FGGY: variants seen among roughly 807,000 people sequenced by gnomAD.
FGGY encodes FGGY carbohydrate kinase domain-containing protein.
Under a neutral mutation model 71.3 loss-of-function variants are expected in FGGY, and 72 were observed. The ratio of observed to expected loss-of-function variants is 1.01; its 90% CI spans 0.84 to 1.23. The LOEUF (loss-of-function observed/expected upper bound fraction) is 1.23, where lower values mean the gene tolerates loss of function less well. Among genes scored for constraint, FGGY ranks in the 50% most tolerant of loss-of-function variants. The pLI is 0.00. For synonymous variants in FGGY, 251 were observed against 250.3 expected (o/e 1.00, Z -0.02); for missense variants, 668 against 682.3 (o/e 0.98, Z 0.23).
rs190196383 is a variant in FGGY, at chr1:59,464,642, A to G, written c.670+7566A>G. Reference sequence around the variant, plus strand: ...CTGCTAGCAAGACTAATAAAGAAGAAGACAGAGAAGAATCAAATAGATGCA... The same window carrying G: ...CTGCTAGCAAGACTAATAAAGAAGAGGACAGAGAAGAATCAAATAGATGCA... On this transcript the variant is annotated intron_variant, in intron 6 of 15. Transcript: ENST00000303721. Among the ~76,000 whole-genome samples the G allele has an allele frequency of 6.6e-4, 101 of 152,352 alleles. 1 individual carries two copies. Among genetic ancestry groups the G allele is most frequent in the East Asian group, 6.0e-3 (31 of 5,194 alleles).
chr1:59,411,283 T>G (rs968927261), intron 5 of FGGY, among the ~76,000 whole-genome samples: 5 of 152,270 alleles, frequency 3.3e-5, no homozygotes, highest in Admixed American at 6.5e-5. Context: ...TATGTGTTTT[T>G]GGCAGGGAAG....
At position 59,347,750 on chromosome 1, in the gene FGGY, C is replaced by T. The variant is rs540777545; in HGVS notation, c.465+1352C>T. On this transcript the variant is annotated intron_variant, in intron 4 of 15. Transcript: ENST00000303721. The stretch of plus-strand genomic sequence containing the variant: ...AATGGTGCTGGGAAAACTGGCTAGC[C>T]ATATGGAGAAAACTGAAACTGGATC... 2.6e-5 allele frequency among the ~76,000 whole-genome samples: 4 copies of T among 152,210 alleles called. No homozygotes were observed. The East Asian group carries it at 7.7e-4, about 29-fold the overall frequency.
intron 5 of FGGY, among the ~76,000 whole-genome samples, chr1:59,432,189 T>C (rs113270257): frequency 1.3e-5 from 2 of 152,196 alleles, no homozygotes; most frequent in African/African-American, 4.8e-5. Flanking sequence ...GGAGAGGGCA[T>C]GAAAGCTCCC....
chr1:59,720,174 A>G (rs1379934012), intron 14 of FGGY, among the ~76,000 whole-genome samples: 1 of 152,208 alleles, frequency 6.6e-6, no homozygotes, highest in Non-Finnish European at 1.5e-5. Flanking sequence ...GGGACTGAAA[A>G]TAGAGATAGA....
chr1:59,652,237 T>C (rs1239373798), intron 11 of FGGY, among the ~76,000 whole-genome samples: 1 of 147,720 alleles, frequency 6.8e-6, no homozygotes, highest in Non-Finnish European at 1.5e-5. Flanking sequence ...TGTCTTGGAG[T>C]TGCTCTTCTC....
At chr1:59,717,539 G>A (rs10889155) in intron 14 of FGGY, among the ~76,000 whole-genome samples, 65,523 of 151,946 alleles carry the variant, frequency 0.43, 14,771 homozygotes, top group East Asian at 0.68. Flanking sequence ...TGTGATATTC[G>A]ATGGAGAGGC....
At chr1:59,595,657 T>G (rs1235074233) in intron 8 of FGGY, among the ~76,000 whole-genome samples, 1 of 151,950 alleles carries the variant, frequency 6.6e-6, no homozygotes, top group East Asian at 1.9e-4. Flanking sequence ...GCCATTGCAC[T>G]CCAGCCTGGG....
At chr1:59,414,708 G>C (rs1441332908) in intron 5 of FGGY, among the ~76,000 whole-genome samples, 2 of 152,222 alleles carry the variant, frequency 1.3e-5, no homozygotes, top group African/African-American at 4.8e-5. Context: ...AACAAGGAGA[G>C]GGGCTACGAG....
intron 5 of FGGY, among the ~76,000 whole-genome samples, chr1:59,414,864 G>A (rs372434366): frequency 6.6e-6 from 1 of 152,340 alleles, no homozygotes; most frequent in Non-Finnish European, 1.5e-5. Context: ...AGAGGCAGAA[G>A]AGCCCTCTGG....
At chr1:59,313,875 G>C (rs2044856717) in intron 1 of FGGY, among the ~76,000 whole-genome samples, 1 of 151,934 alleles carries the variant, frequency 6.6e-6, no homozygotes, top group Non-Finnish European at 1.5e-5. Flanking sequence ...TTGGGTGATG[G>C]GTATATCCAG....
chr1:59,611,985 A>G (rs2096686948), intron 9 of FGGY, among the ~76,000 whole-genome samples: 1 of 152,218 alleles, frequency 6.6e-6, no homozygotes, highest in Non-Finnish European at 1.5e-5. Context: ...GCCTCCAAGA[A>G]ATATGGGACT....
At chr1:59,504,050 G>T (rs2094312354) in intron 6 of FGGY, among the ~76,000 whole-genome samples, 1 of 152,078 alleles carries the variant, frequency 6.6e-6, no homozygotes, top group Non-Finnish European at 1.5e-5. Flanking sequence ...TATGCTTTTT[G>T]TCCAATCATA....
chr1:59,567,465 TAACTGG>T (rs1249274130), intron 8 of FGGY, among the ~76,000 whole-genome samples: 1 of 152,124 alleles, frequency 6.6e-6, no homozygotes, highest in Non-Finnish European at 1.5e-5. Flanking sequence ...AGGAAATATT[TAACTGG>T]AAGATGCTTT....
chr1:59,667,339 T>A lies in FGGY; in HGVS notation c.1353T>A (p.Thr451=), dbSNP rs922906780. ...AGGCAGCAGGGCACTCAATCAGTAC[T>A]CTTTTCCTATGTGGAGGCCTCAGCA... ...AMEAAGHSIS[T]LFLCGGLSKN... The change falls in exon 13 of 16, where the codon ACT becomes ACA. Residue 451 remains threonine, a synonymous_variant. Transcript: ENST00000303721. The A allele has an allele frequency of 1.5e-5, 25 of 1,614,054 alleles. No homozygotes were observed. Among genetic ancestry groups the A allele is most frequent in the Admixed American group, 8.3e-5 (5 of 60,004 alleles).
intron 5 of FGGY, among the ~76,000 whole-genome samples, chr1:59,404,208 G>T (rs1483485420): frequency 2.0e-5 from 3 of 151,956 alleles, no homozygotes; most frequent in African/African-American, 7.3e-5. Context: ...AGCCTGTCGG[G>T]GGGCGGGGCC....
intron 14 of FGGY, among the ~76,000 whole-genome samples, chr1:59,727,724 G>C (rs2097964956): frequency 6.6e-6 from 1 of 152,122 alleles, no homozygotes; most frequent in South Asian, 2.1e-4. Flanking sequence ...AGCCAGAAAA[G>C]AGCCTGAATA....
chr1:59,732,561 G>T (rs2098046894), intron 14 of FGGY, among the ~76,000 whole-genome samples: 1 of 152,032 alleles, frequency 6.6e-6, no homozygotes, highest in Non-Finnish European at 1.5e-5. Context: ...TCTATGTTGT[G>T]GCAAACTGAG....
In FGGY at chr1:59,528,683, C is replaced by A. The variant is rs566227418; in HGVS notation, c.799+16244C>A. On this transcript the variant is annotated intron_variant, in intron 7 of 15. Coordinates refer to ENST00000303721, the MANE Select transcript of FGGY (RefSeq NM_018291.5). ...AAAGTATATCAGCCTTGTGACTCACCACCATGAAACCCTCAGATGGGAGTC... is the reference window on the plus strand; with the variant it reads ...AAAGTATATCAGCCTTGTGACTCACAACCATGAAACCCTCAGATGGGAGTC... 2.6e-5 allele frequency among the ~76,000 whole-genome samples: 4 copies of A among 152,224 alleles called. No individual in the cohort carries two copies. In the East Asian group the frequency reaches 7.7e-4, roughly 29 times the overall value.
At chr1:59,428,607 G>A (rs570235594) in intron 5 of FGGY, among the ~76,000 whole-genome samples, 197 of 152,354 alleles carry the variant, frequency 1.3e-3, no homozygotes, top group African/African-American at 4.6e-3. Flanking sequence ...GGGTCAGTTT[G>A]TCTAACTCTG....
Sources: gnomAD v4.1 joint callset for allele counts (sites outside exome capture counted in the v4.1 genomes callset) on GRCh38, gnomAD v4.1.1 for gene constraint, MANE v1.5 for transcripts, NCBI Gene and HGNC (gene_info 2026-07-23, HGNC 2026-07-21) for gene names.